The following PRKCH variants were observed in gnomAD, a reference collection of about 807,000 sequenced individuals.
The protein encoded by PRKCH is protein kinase C eta type.
PRKCH carries 28 observed loss-of-function variants against 82.5 expected under a neutral mutation model. The ratio of observed to expected loss-of-function variants is 0.34; its 90% CI spans 0.25 to 0.47. The LOEUF is 0.47. PRKCH is among the 20% of genes least tolerant of loss of function. The probability of loss-of-function intolerance (pLI) is 1.00; values close to 1 mark genes in which losing one functional copy is unlikely to be tolerated. For missense variants in PRKCH, 705 were observed against 881.8 expected, an observed-to-expected ratio of 0.80 and a Z score of 2.54; for synonymous variants, 322 against 327.4, an observed-to-expected ratio of 0.98 and a Z score of 0.18.
At chr14:61,303,758 A>T in intron 1 of PRKCH, 1 of 147,216 alleles carries the variant, frequency 6.8e-6, no homozygotes, top group African/African-American at 2.5e-5. Context: ...TTTGTTTCTC[A>T]TTTCCTCCTT....
At chr14:61,244,108 A>C (rs572078059) in intron 1 of PRKCH, among the ~76,000 whole-genome samples, 1 of 152,306 alleles carries the variant, frequency 6.6e-6, no homozygotes, top group Admixed American at 6.5e-5. Flanking sequence ...GCTGAGCAGC[A>C]AGAGACCCTT....
intron 10 of PRKCH, among the ~76,000 whole-genome samples, chr14:61,490,268 A>T (rs146777874): frequency 1.0e-3 from 157 of 152,280 alleles, no homozygotes; most frequent in African/African-American, 3.6e-3. Context: ...TACTCCCATG[A>T]TTACGTGGCA....
At chr14:61,360,619 A>G (rs1233294093) in intron 1 of PRKCH, among the ~76,000 whole-genome samples, 2 of 152,232 alleles carry the variant, frequency 1.3e-5, no homozygotes, top group East Asian at 3.8e-4. Flanking sequence ...AGGATAACAA[A>G]TGATTTGTAT....
In PRKCH at chr14:61,360,420, A is replaced by G. The variant is rs576075309; in HGVS notation, c.364-30805A>G. On this transcript the variant is annotated intron_variant, in intron 1 of 13. Transcript: ENST00000332981. The stretch of plus-strand genomic sequence containing the variant: ...CTCGGGAGGCTGAGCCATGAGAATC[A>G]TTTGAACATGGGAGGCGGAGGTTGC... 1.2e-4 allele frequency among the ~76,000 whole-genome samples: 18 copies of G among 152,208 alleles called. 1 individual carries two copies. In the South Asian group the frequency reaches 3.3e-3, roughly 28 times the overall value.
chr14:61,300,993 C>T (rs2140104059), intron 1 of PRKCH, among the ~76,000 whole-genome samples: 1 of 152,296 alleles, frequency 6.6e-6, no homozygotes, highest in South Asian at 2.1e-4. Context: ...GTAAATCAGA[C>T]ACCACCTCCT....
chr14:61,244,113 A>G (rs1280115416), intron 1 of PRKCH, among the ~76,000 whole-genome samples: 1 of 151,988 alleles, frequency 6.6e-6, no homozygotes, highest in African/African-American at 2.4e-5. Flanking sequence ...GCAGCAAGAG[A>G]CCCTTCTGTG....
chr14:61,310,724 G>T (rs976734974), intron 1 of PRKCH, among the ~76,000 whole-genome samples: 2 of 152,226 alleles, frequency 1.3e-5, no homozygotes, highest in Non-Finnish European at 2.9e-5. Flanking sequence ...GACTCTGTGT[G>T]GGGGCTCCAA....
intron 3 of PRKCH, among the ~76,000 whole-genome samples, chr14:61,443,678 CACAAA>C (rs2140277539): frequency 6.6e-6 from 1 of 152,282 alleles, no homozygotes; most frequent in South Asian, 2.1e-4. Context: ...GAAAACTAAA[CACAAA>C]GTAGTCTTCG....
At chr14:61,254,009 C>CCCTCCCTT (rs2044973985) in intron 1 of PRKCH, among the ~76,000 whole-genome samples, 1 of 105,016 alleles carries the variant, frequency 9.5e-6, no homozygotes, top group Non-Finnish European at 1.8e-5. Context: ...CTCCCTCCCT[C>CCCTCCCTT]CCTTCCTTCC....
At chr14:61,471,837 A>G (rs891535147) in intron 9 of PRKCH, among the ~76,000 whole-genome samples, 20 of 152,074 alleles carry the variant, frequency 1.3e-4, no homozygotes, top group Non-Finnish European at 2.5e-4. Context: ...CCCAGGGGGG[A>G]AGAATCTCCC....
At chr14:61,398,249 G>A (rs1164726402) in intron 2 of PRKCH, among the ~76,000 whole-genome samples, 2 of 152,174 alleles carry the variant, frequency 1.3e-5, no homozygotes, top group African/African-American at 4.8e-5. Flanking sequence ...GTTGCCATGT[G>A]TGTGATTGTC....
At chr14:61,225,220 G>C (rs1037445309) in intron 1 of PRKCH, among the ~76,000 whole-genome samples, 1 of 152,182 alleles carries the variant, frequency 6.6e-6, no homozygotes, top group Non-Finnish European at 1.5e-5. Context: ...CATGCACACA[G>C]GCTTAAAATT....
intron 12 of PRKCH, among the ~76,000 whole-genome samples, chr14:61,546,056 G>GCTCTTAGAA (rs2043253512): frequency 6.6e-6 from 1 of 152,212 alleles, no homozygotes; most frequent in East Asian, 1.9e-4. Context: ...TTGTTAATTA[G>GCTCTTAGAA]CTCTTAGAAT....
rs76181192 is a variant in PRKCH, at chr14:61,428,906, A to AAG, written c.428-14205_428-14204insAG. 4.0e-5 allele frequency among the ~76,000 whole-genome samples: 6 copies of AAG among 151,788 alleles called. No individual in the cohort carries two copies. The East Asian group carries it at 9.7e-4, about 24-fold the overall frequency. ...TTTAAAATACCTTTTTTTGGAGGAG[A>AAG]GGTGGAGCAAGATATGTGTAACTAT... On this transcript the variant is annotated intron_variant, in intron 2 of 13. Transcript: ENST00000332981.
chr14:61,292,336 G>A (rs888974239), intron 1 of PRKCH, among the ~76,000 whole-genome samples: 3 of 151,218 alleles, frequency 2.0e-5, no homozygotes, highest in African/African-American at 4.9e-5. Flanking sequence ...AATTTAATTA[G>A]CCGTGTATGG....
In PRKCH at chr14:61,402,535, G is replaced by A. The variant is rs935896145; in HGVS notation, c.427+11247G>A. Among the ~76,000 whole-genome samples the A allele has an allele frequency of 1.2e-4, 19 of 152,244 alleles. No individual in the cohort carries two copies. In the East Asian group the frequency reaches 2.3e-3, roughly 19 times the overall value. ...TGTCAGGCTGGGCGCAGTGGCTCAC[G>A]CCTGTAATCCCAGCACTTTGGGAGG... On this transcript the variant is annotated intron_variant, in intron 2 of 13. Coordinates refer to ENST00000332981, the MANE Select transcript of PRKCH (RefSeq NM_006255.5).
chr14:61,384,374 G>A (rs1051564483), intron 1 of PRKCH, among the ~76,000 whole-genome samples: 1 of 152,158 alleles, frequency 6.6e-6, no homozygotes, highest in African/African-American at 2.4e-5. Flanking sequence ...TTTAAAAACA[G>A]CAGATGCCTA....
In PRKCH at chr14:61,246,824, G is replaced by A. The variant is rs143427520; in HGVS notation, c.-19+59156G>A. Among the ~76,000 whole-genome samples, 711 of 152,246 alleles carry A rather than the reference G, an allele frequency of 4.7e-3. 5 individuals carry two copies. The highest frequency in any genetic ancestry group is 0.016 in the African/African-American group (682 of 41,538). ...ATTGGTGCTAAACTCCTGGGCTCAA[G>A]CAATCCTCCCACCTCAGCCTCCCAA... On this transcript the variant is annotated intron_variant, in intron 1 of 3. Coordinates refer to the PRKCH transcript ENST00000555185.
In PRKCH at chr14:61,450,894, A is replaced by G. The variant is rs752125502; in HGVS notation, c.755A>G (p.Asn252Ser). Reference protein sequence around the residue: ...INIPHKFSIHNYKVPTFCDHC... With the variant: ...INIPHKFSIHSYKVPTFCDHC... ...ATCCCACACAAGTTCAGCATCCACA[A>G]CTACAAAGTGCCAACATTCTGCGAT... is the stretch of plus-strand genomic sequence containing the variant. The change falls in exon 6 of 14, where the codon AAC becomes AGC. Residue 252 changes from asparagine to serine, a missense_variant. Asn to Ser is a conservative substitution (Grantham distance 46). This residue lies in a region of PRKCH where 15 missense variants were observed against 40.7 expected (regional missense o/e 0.37). Transcript: ENST00000332981. The G allele has an allele frequency of 1.9e-6, 3 of 1,613,884 alleles. No individual in the cohort carries two copies. Among genetic ancestry groups the G allele is most frequent in the Non-Finnish European group, 1.7e-6 (2 of 1,179,958 alleles).
Sources: allele counts gnomAD v4.1 joint callset (sites outside exome capture counted in the v4.1 genomes callset), GRCh38; gene constraint gnomAD v4.1.1; regional missense constraint gnomAD v4.1.1; transcripts MANE v1.5; gene names NCBI Gene and HGNC (gene_info 2026-07-23, HGNC 2026-07-21).